The following C1QTNF7 variants were observed in gnomAD, a reference collection of about 807,000 sequenced individuals.
C1QTNF7 encodes complement C1q tumor necrosis factor-related protein 7.
Under a neutral mutation model 19.6 loss-of-function variants are expected in C1QTNF7, and 15 were observed. That is an observed-to-expected ratio of 0.76 (90% confidence interval 0.51 to 1.18). The LOEUF is 1.18. C1QTNF7 is among the 50% of genes most tolerant of loss of function. The pLI is 0.00. For synonymous variants in C1QTNF7, 142 were observed against 137.5 expected, an observed-to-expected ratio of 1.03 and a Z score of -0.23; for missense variants, 324 against 359.7, an observed-to-expected ratio of 0.90 and a Z score of 0.80.
Position 15,399,794 on chromosome 4 carries a change from G to C in C1QTNF7, c.14-35942G>C, listed in dbSNP as rs78603454. 4.7e-3 allele frequency among the ~76,000 whole-genome samples: 712 copies of C among 152,290 alleles called. 12 individuals are homozygous for C. Among genetic ancestry groups the C allele is most frequent in the African/African-American group, 0.017 (686 of 41,550 alleles). On this transcript the variant is annotated intron_variant, in intron 1 of 2. Transcript: ENST00000295297. Reference sequence around the variant, plus strand: ...AGTAAGTGAATGAATGAACTGAGATGCCACTTGCAAAATTTGGAAGGTGCT... The same window carrying C: ...AGTAAGTGAATGAATGAACTGAGATCCCACTTGCAAAATTTGGAAGGTGCT...
intron 1 of C1QTNF7, among the ~76,000 whole-genome samples, chr4:15,342,500 T>TA (rs1440000687): frequency 6.6e-6 from 1 of 152,168 alleles, no homozygotes; most frequent in Non-Finnish European, 1.5e-5. Flanking sequence ...AAAAACAGCA[T>TA]AGGAAAGATG....
At chr4:15,362,567 G>A (rs1717381056) in intron 1 of C1QTNF7, 2 of 152,130 alleles carry the variant, frequency 1.3e-5, no homozygotes, top group South Asian at 4.1e-4. Context: ...ACACCAAAGG[G>A]TTTACAATAA....
At chr4:15,421,994 C>A (rs1195262731) in intron 1 of C1QTNF7, among the ~76,000 whole-genome samples, 1 of 151,894 alleles carries the variant, frequency 6.6e-6, no homozygotes, top group Non-Finnish European at 1.5e-5. Flanking sequence ...AATTACAGGA[C>A]AGATATATGA....
chr4:15,386,769 G>A (rs565364477), intron 1 of C1QTNF7, among the ~76,000 whole-genome samples: 2 of 152,298 alleles, frequency 1.3e-5, no homozygotes, highest in African/African-American at 2.4e-5. Context: ...ATGTCCCATG[G>A]CAGGAGCATG....
intron 1 of C1QTNF7, among the ~76,000 whole-genome samples, chr4:15,377,562 T>TGCTTC (rs1717985420): frequency 2.6e-5 from 4 of 152,234 alleles, no homozygotes; most frequent in African/African-American, 9.6e-5. Flanking sequence ...GTGTTGAATA[T>TGCTTC]AATATCTTCA....
intron 1 of C1QTNF7, among the ~76,000 whole-genome samples, chr4:15,377,664 C>G (rs1717989737): frequency 6.6e-6 from 1 of 152,032 alleles, no homozygotes; most frequent in Non-Finnish European, 1.5e-5. Context: ...ACTTTAGATG[C>G]CTGGGAAGAG....
At chr4:15,366,122 G>GT (rs1340738931) in intron 1 of C1QTNF7, among the ~76,000 whole-genome samples, 3 of 152,322 alleles carry the variant, frequency 2.0e-5, no homozygotes, top group Non-Finnish European at 4.4e-5. Flanking sequence ...CTCAAAGGAT[G>GT]TAAGAGACAC....
intron 1 of C1QTNF7, among the ~76,000 whole-genome samples, chr4:15,431,378 G>C (rs190934791): frequency 6.6e-6 from 1 of 152,308 alleles, no homozygotes; most frequent in Non-Finnish European, 1.5e-5. Flanking sequence ...CAGGTGATCA[G>C]CTCTAGGGAG....
chr4:15,406,039 C>T (rs1719184399), intron 1 of C1QTNF7, among the ~76,000 whole-genome samples: 2 of 152,194 alleles, frequency 1.3e-5, no homozygotes, highest in Admixed American at 6.5e-5. Context: ...ACTCCTTAAA[C>T]CTAAACTAGC....
chr4:15,433,941 A>G (rs1314018391), intron 1 of C1QTNF7, among the ~76,000 whole-genome samples: 1 of 152,136 alleles, frequency 6.6e-6, no homozygotes, highest in Non-Finnish European at 1.5e-5. Context: ...AATTTAATCA[A>G]TGCATCTTGT....
intron 1 of C1QTNF7, among the ~76,000 whole-genome samples, chr4:15,341,929 C>T (rs148267533): frequency 2.0e-5 from 3 of 152,348 alleles, no homozygotes; most frequent in South Asian, 2.1e-4. Flanking sequence ...TCCTCACGGG[C>T]TCCAATGGAG....
intron 1 of C1QTNF7, among the ~76,000 whole-genome samples, chr4:15,359,860 A>C (rs779890026): frequency 1.8e-4 from 27 of 152,178 alleles, no homozygotes; most frequent in Non-Finnish European, 3.5e-4. Context: ...CTTCGCCCAG[A>C]GACACATCTT....
intron 1 of C1QTNF7, chr4:15,374,505 C>T: frequency 2.1e-6 from 2 of 937,808 alleles, no homozygotes; most frequent in Non-Finnish European, 1.3e-6. Context: ...CGTCTTCTTT[C>T]GGGCTCGATC....
chr4:15,420,639 G>A (rs1176775539), intron 1 of C1QTNF7, among the ~76,000 whole-genome samples: 1 of 152,060 alleles, frequency 6.6e-6, no homozygotes, highest in East Asian at 1.9e-4. Flanking sequence ...AGAACACTAA[G>A]GTTTCAGAGG....
At position 15,422,385 on chromosome 4, in the gene C1QTNF7, T is replaced by C. The variant is rs534601359; in HGVS notation, c.14-13351T>C. 5.1e-4 allele frequency among the ~76,000 whole-genome samples: 77 copies of C among 152,152 alleles called. 1 individual carries two copies. The highest frequency in any genetic ancestry group is 1.7e-3 in the African/African-American group (72 of 41,522). On this transcript the variant is annotated intron_variant, in intron 1 of 2. Coordinates refer to the C1QTNF7 transcript ENST00000295297. ...CCTATTTTCCCCAGGGCAGAATAAA[T>C]CAAGAGGTGAGGAAGGAAAAGAGCT...
intron 1 of C1QTNF7, chr4:15,361,326 T>C (rs141512999): frequency 2.0e-5 from 3 of 152,086 alleles, no homozygotes; most frequent in Admixed American, 2.0e-4. Flanking sequence ...ATTACACAAC[T>C]AATGGAATGA....
intron 1 of C1QTNF7, among the ~76,000 whole-genome samples, chr4:15,429,410 C>T (rs1409662545): frequency 6.6e-6 from 1 of 152,180 alleles, no homozygotes; most frequent in Non-Finnish European, 1.5e-5. Context: ...CCTTCCTCCT[C>T]CAACAGTGAG....
Position 15,442,748 on chromosome 4 carries a change from A to C in C1QTNF7, c.819A>C (p.Leu273Phe). Residue 273 changes from leucine (L) to phenylalanine (F), a missense_variant, in exon 3 of 3, where the codon TTA (leucine) becomes TTC (phenylalanine). By Grantham distance (22) the Leu-to-Phe change is conservative. Coordinates refer to ENST00000444304, the MANE Select transcript of C1QTNF7 (RefSeq NM_031911.5). Reference protein sequence around the residue: ...WADSLFSGFLLYVDTDYLDSI... With the variant: ...WADSLFSGFLFYVDTDYLDSI... ...ACAGCTTATTCTCCGGGTTTCTCTT[A>C]TACGTTGACACAGATTACCTAGATT... 1 of 1,613,930 alleles carries C rather than the reference A, an allele frequency of 6.2e-7. No homozygotes were observed. Among genetic ancestry groups the C allele is most frequent in the Non-Finnish European group, 8.5e-7 (1 of 1,179,974 alleles).
chr4:15,442,093 G>C, intron 2 of C1QTNF7, 75 bp from the exon 3 acceptor site: 1 of 1,482,814 alleles, frequency 6.7e-7, no homozygotes, highest in South Asian at 1.4e-5. Context: ...GGGATGTGCT[G>C]GGACCATGTA....
Sources: gnomAD v4.1 joint callset for allele counts (sites outside exome capture counted in the v4.1 genomes callset) on GRCh38, gnomAD v4.1.1 for gene constraint, MANE v1.5 for transcripts, NCBI Gene and HGNC (gene_info 2026-07-23, HGNC 2026-07-21) for gene names.